The following KCTD16 variants were observed in gnomAD, a reference collection of about 807,000 sequenced individuals.
The protein encoded by KCTD16 is potassium channel tetramerization domain containing 16, also known as BTB/POZ domain-containing protein KCTD16.
KCTD16 carries 13 observed loss-of-function variants against 33.2 expected under a neutral mutation model. That is an observed-to-expected ratio of 0.39 (90% confidence interval 0.25 to 0.62). The LOEUF (loss-of-function observed/expected upper bound fraction) is 0.62, where lower values mean the gene tolerates loss of function less well. Among genes scored for constraint, KCTD16 ranks in the 20% least tolerant of loss-of-function variants. KCTD16 has a pLI of 0.50. For missense variants in KCTD16, 441 were observed against 525.1 expected (o/e 0.84, Z 1.57); for synonymous variants, 197 against 195.3 (o/e 1.01, Z -0.07).
At chr5:144,330,580 T>C (rs1002666196) in intron 3 of KCTD16, among the ~76,000 whole-genome samples, 1 of 152,272 alleles carries the variant, frequency 6.6e-6, no homozygotes, top group Non-Finnish European at 1.5e-5. Flanking sequence ...ATGAGTAACA[T>C]TTAATTCCTA....
At chr5:144,465,289 G>A (rs1458782923) in intron 3 of KCTD16, among the ~76,000 whole-genome samples, 3 of 148,362 alleles carry the variant, frequency 2.0e-5, no homozygotes, top group African/African-American at 7.5e-5. Flanking sequence ...GAAGTACCCT[G>A]TCCTGTGTTT....
At chr5:144,429,911 T>A (rs570673957) in intron 3 of KCTD16, among the ~76,000 whole-genome samples, 104 of 150,902 alleles carry the variant, frequency 6.9e-4, no homozygotes, top group African/African-American at 2.5e-3. Context: ...GAAAAAAAAT[T>A]GAAAAGAAGG....
intron 3 of KCTD16, among the ~76,000 whole-genome samples, chr5:144,432,511 A>G (rs188367920): frequency 6.6e-6 from 1 of 152,164 alleles, no homozygotes; most frequent in East Asian, 1.9e-4. Flanking sequence ...TGTTGAAATG[A>G]TATCTTTGAA....
chr5:144,327,622 T>G (rs975466653), intron 3 of KCTD16, among the ~76,000 whole-genome samples: 1 of 152,122 alleles, frequency 6.6e-6, no homozygotes, highest in Admixed American at 6.6e-5. Context: ...AAACAGAAAT[T>G]TTGCATTTTC....
At chr5:144,262,011 G>A (rs1261987973) in intron 3 of KCTD16, among the ~76,000 whole-genome samples, 2 of 152,058 alleles carry the variant, frequency 1.3e-5, no homozygotes, top group Non-Finnish European at 2.9e-5. Context: ...CACTGTGCTA[G>A]ACACAGGGAG....
chr5:144,217,392 G>A (rs1436218406), intron 3 of KCTD16, among the ~76,000 whole-genome samples: 1 of 151,986 alleles, frequency 6.6e-6, no homozygotes, highest in Non-Finnish European at 1.5e-5. Context: ...TTGTCAAGCT[G>A]CAACAAAATA....
At chr5:144,342,052 ATGCGGG>A (rs1752661660) in intron 3 of KCTD16, among the ~76,000 whole-genome samples, 1 of 152,226 alleles carries the variant, frequency 6.6e-6, no homozygotes, top group East Asian at 1.9e-4. Flanking sequence ...TTAGTTAGCA[ATGCGGG>A]CTCTTTTTTG....
At position 144,197,964 on chromosome 5, in the gene KCTD16, GT is replaced by G. The variant is rs1315932190; in HGVS notation, c.-326-8424del. On this transcript the variant is annotated intron_variant, in intron 2 of 3. Coordinates refer to ENST00000512467, the MANE Select transcript of KCTD16 (RefSeq NM_020768.4). ...ACTCTGATCTCTTACTCTTTCAGGA[GT>G]GTTTCTTTTAAAGGTTTCTCTTTTT... is the stretch of plus-strand genomic sequence containing the variant. Among the ~76,000 whole-genome samples, 4 of 152,184 alleles carry G rather than the reference GT, an allele frequency of 2.6e-5. No individual in the cohort carries two copies. The East Asian group carries it at 7.7e-4, about 29-fold the overall frequency.
chr5:144,306,639 C>T (rs889690602), intron 3 of KCTD16, among the ~76,000 whole-genome samples: 1 of 152,200 alleles, frequency 6.6e-6, no homozygotes, highest in Non-Finnish European at 1.5e-5. Flanking sequence ...CGCATTACCT[C>T]TTCAGTGCTC....
intron 3 of KCTD16, among the ~76,000 whole-genome samples, chr5:144,378,494 C>T (rs1752141949): frequency 6.6e-6 from 1 of 152,066 alleles, no homozygotes; most frequent in Non-Finnish European, 1.5e-5. Flanking sequence ...GAGTGGTTTT[C>T]ATTTCTATAA....
chr5:144,417,226 C>T lies in KCTD16; in HGVS notation c.833-56434C>T, dbSNP rs999246605. 2.6e-5 allele frequency among the ~76,000 whole-genome samples: 4 copies of T among 152,168 alleles called. No individual in the cohort carries two copies. The East Asian group carries it at 7.7e-4, about 29-fold the overall frequency. On this transcript the variant is annotated intron_variant, in intron 3 of 3. Coordinates refer to ENST00000512467, the MANE Select transcript of KCTD16 (RefSeq NM_020768.4). ...TCAGGGGCTAAATATTTCTATTTCT[C>T]ATCACCAATGTGGAGAGTTCTAATT...
chr5:144,276,263 A>G (rs1580838560), intron 3 of KCTD16, among the ~76,000 whole-genome samples: 1 of 152,268 alleles, frequency 6.6e-6, no homozygotes, highest in East Asian at 1.9e-4. Context: ...CTGTTATATA[A>G]TTTTGTCTCT....
At chr5:144,218,758 A>T (rs1370007327) in intron 3 of KCTD16, among the ~76,000 whole-genome samples, 3 of 152,212 alleles carry the variant, frequency 2.0e-5, no homozygotes, top group Non-Finnish European at 2.9e-5. Context: ...TTACCTTGCT[A>T]ATCTCATGCA....
At chr5:144,310,594 A>ATATATATATATT (rs1554086649) in intron 3 of KCTD16, among the ~76,000 whole-genome samples, 6 of 150,858 alleles carry the variant, frequency 4.0e-5, no homozygotes, top group Admixed American at 2.6e-4. Flanking sequence ...ATTTTTTTTG[A>ATATATATATATT]TATATATATA....
At chr5:144,312,229 A>G (rs1393372080) in intron 3 of KCTD16, among the ~76,000 whole-genome samples, 1 of 152,220 alleles carries the variant, frequency 6.6e-6, no homozygotes. Flanking sequence ...GATTCTGTTT[A>G]TACGTGTTAC....
chr5:144,429,759 A>G (rs1371875635), intron 3 of KCTD16, among the ~76,000 whole-genome samples: 2 of 152,096 alleles, frequency 1.3e-5, no homozygotes, highest in African/African-American at 4.8e-5. Context: ...ACTCTCCCTG[A>G]GCAACAACTG....
chr5:144,251,455 T>A (rs1754698934), intron 3 of KCTD16, among the ~76,000 whole-genome samples: 1 of 152,230 alleles, frequency 6.6e-6, no homozygotes, highest in East Asian at 1.9e-4. Flanking sequence ...GGCAAAGCAT[T>A]AAATCAATGG....
At chr5:144,438,972 A>G (rs6898228) in intron 3 of KCTD16, among the ~76,000 whole-genome samples, 10 of 151,982 alleles carry the variant, frequency 6.6e-5, no homozygotes, top group African/African-American at 2.4e-4. Flanking sequence ...TGGAAGATTC[A>G]TATATATTCC....
chr5:144,434,806 G>T lies in KCTD16; in HGVS notation c.833-38854G>T, dbSNP rs75646593. Among the ~76,000 whole-genome samples, 8 of 152,234 alleles carry T rather than the reference G, an allele frequency of 5.3e-5. No homozygotes were observed. The East Asian group carries it at 1.5e-3, about 29-fold the overall frequency. On this transcript the variant is annotated intron_variant, in intron 3 of 3. Transcript: ENST00000512467. ...GTGAAACACTTTTCTTTCCTGTAGC[G>T]CAAATACAATTGTGACACTGTGGGA... is the stretch of plus-strand genomic sequence containing the variant.
Sources: allele counts gnomAD v4.1 joint callset (sites outside exome capture counted in the v4.1 genomes callset), GRCh38; gene constraint gnomAD v4.1.1; transcripts MANE v1.5; gene names NCBI Gene and HGNC (gene_info 2026-07-23, HGNC 2026-07-21).